RPS15A: variants seen among roughly 807,000 people sequenced by gnomAD.
RPS15A encodes small ribosomal subunit protein uS8.
For missense variants in RPS15A, 62 were observed against 163.4 expected, an observed-to-expected ratio of 0.38 and a Z score of 3.38; for synonymous variants, 55 against 58.5, an observed-to-expected ratio of 0.94 and a Z score of 0.27.
intron 1 of RPS15A, among the ~76,000 whole-genome samples, chr16:18,789,698 C>T (rs1260106567): frequency 6.6e-6 from 1 of 152,208 alleles, no homozygotes; most frequent in East Asian, 1.9e-4. Flanking sequence ...AAACATTTTA[C>T]ATGCTTGTCA....
chr16:18,789,036 A>G lies in RPS15A; in HGVS notation c.78T>C (p.Leu26=), dbSNP rs1596938648. 1 of 1,614,096 alleles carries G rather than the reference A, an allele frequency of 6.2e-7. No homozygotes were observed. The highest frequency in any genetic ancestry group is 8.5e-7 in the Non-Finnish European group (1 of 1,179,982). The change falls in exon 2 of 5, where the codon CTT becomes CTC. Residue 26 remains leucine (L), a synonymous_variant. Transcript: ENST00000322989. ...CGATGACTTTGGAGCACGGCCTAAT[A>G]AGCACCTGGCGTTTGCCTCTCTTTT... The part of the protein sequence containing the change: ...NAEKRGKRQV[L]IRPCSKVIVR...
At chr16:18,786,122 G>C (rs1050088611) in intron 3 of RPS15A, 1 of 154,066 alleles carries the variant, frequency 6.5e-6, no homozygotes. Context: ...GAAAGTCACA[G>C]AACAGGCCAG....
intron 4 of RPS15A, 105 bp downstream of exon 4, chr16:18,784,633 C>T: frequency 1.3e-6 from 1 of 797,362 alleles, no homozygotes; most frequent in South Asian, 1.7e-5. Flanking sequence ...GACAAATTAC[C>T]ACTGCTTTGT....
chr16:18,788,349 C>T (rs190343985), intron 2 of RPS15A, among the ~76,000 whole-genome samples: 5 of 152,340 alleles, frequency 3.3e-5, no homozygotes, highest in Non-Finnish European at 5.9e-5. Flanking sequence ...AACAATCCAC[C>T]TTGCAATTCT....
At chr16:18,789,182 T>G in intron 1 of RPS15A, 64 bp from the exon 2 acceptor site, 1 of 1,490,168 alleles carries the variant, frequency 6.7e-7, no homozygotes, top group Non-Finnish European at 9.1e-7. Context: ...ACACCAACCA[T>G]TACACTGCGG....
chr16:18,788,338 A>G (rs2029934451), intron 2 of RPS15A, among the ~76,000 whole-genome samples, 196 bp from the exon 3 acceptor site: 1 of 152,188 alleles, frequency 6.6e-6, no homozygotes, highest in Admixed American at 6.5e-5. Context: ...ACAATACCCA[A>G]AACAATCCAC....
chr16:18,789,240 C>T, intron 1 of RPS15A, 122 bp from the exon 2 acceptor site: 2 of 915,864 alleles, frequency 2.2e-6, no homozygotes, highest in Non-Finnish European at 3.3e-6. Flanking sequence ...TTTCTCAAGT[C>T]TAAGCAGGCT....
At chr16:18,786,667 A>C (rs577492084) in intron 3 of RPS15A, 1 of 152,368 alleles carries the variant, frequency 6.6e-6, no homozygotes, top group South Asian at 2.1e-4. Flanking sequence ...TGTATTCCCC[A>C]GCTACTCAGG....
chr16:18,782,955 T>C lies in RPS15A; in HGVS notation c.*54A>G, dbSNP rs1596933500. ...GCTGTAAAGGCTCAAAACGACCAAGTGGAAGCACCAGAGTCCATGAGGCAT... is the reference window on the plus strand; with the variant it reads ...GCTGTAAAGGCTCAAAACGACCAAGCGGAAGCACCAGAGTCCATGAGGCAT... On this transcript the variant is annotated 3_prime_UTR_variant, in exon 5 of 5. Coordinates refer to ENST00000322989, the MANE Select transcript of RPS15A (RefSeq NM_001019.5). 12 of 1,127,812 alleles carry C rather than the reference T, an allele frequency of 1.1e-5. 1 individual carries two copies. The East Asian group carries it at 2.8e-4, about 26-fold the overall frequency. The allele number at this position is 1,127,812 out of a possible 1,614,324, so 69.9% of individuals were successfully genotyped here.
chr16:18,784,911 C>T, intron 3 of RPS15A, 88 bp from the exon 4 acceptor site: 1 of 1,102,484 alleles, frequency 9.1e-7, no homozygotes, highest in East Asian at 2.4e-5. Context: ...CATAAATAAA[C>T]AGTCCTCCAA....
intron 4 of RPS15A, 23 bp downstream of exon 4, chr16:18,784,715 T>C (rs1904019521): frequency 6.4e-7 from 1 of 1,560,844 alleles, no homozygotes; most frequent in East Asian, 2.2e-5. Context: ...TAACTTCTTT[T>C]AATTAAGGAA....
chr16:18,789,140 G>A (rs753841284), intron 1 of RPS15A, 22 bp from the exon 2 acceptor site: 16 of 1,598,380 alleles, frequency 1.0e-5, no homozygotes, highest in African/African-American at 1.3e-5. Context: ...AGACAAAACA[G>A]GAGGTTTTAC....
rs1038230579 is a variant in RPS15A, at chr16:18,782,453, T to C, written c.*556A>G. The C allele has an allele frequency of 1.3e-5, 2 of 151,894 alleles. No homozygotes were observed. Among genetic ancestry groups the C allele is most frequent in the Non-Finnish European group, 2.9e-5 (2 of 68,056 alleles). 9.4% of individuals were successfully genotyped at this position (151,894 alleles called of 1,614,324 possible). On this transcript the variant is annotated 3_prime_UTR_variant, in exon 5 of 5. Coordinates refer to ENST00000322989, the MANE Select transcript of RPS15A (RefSeq NM_001019.5). ...ATACTGAAATATAGGCCAGGTGTAA[T>C]GGCTCGTGGCTGTAATCCCAGCACT...
At chr16:18,783,524 G>A (rs1903997750) in intron 4 of RPS15A, 1 of 381,200 alleles carries the variant, frequency 2.6e-6, no homozygotes, top group Non-Finnish European at 5.2e-6. Flanking sequence ...TACAATGAGT[G>A]GCTGCTTCAT....
At position 18,782,967 on chromosome 16, in the gene RPS15A, A is replaced by C; in HGVS notation, c.*42T>G. Reference sequence around the variant, plus strand: ...CAAAACGACCAAGTGGAAGCACCAGAGTCCATGAGGCATTTTATTTGTAAA... The same window carrying C: ...CAAAACGACCAAGTGGAAGCACCAGCGTCCATGAGGCATTTTATTTGTAAA... On this transcript the variant is annotated 3_prime_UTR_variant, in exon 5 of 5. Transcript: ENST00000322989. 1 of 1,237,384 alleles carries C rather than the reference A, an allele frequency of 8.1e-7. No individual in the cohort carries two copies. Among genetic ancestry groups the C allele is most frequent in the Non-Finnish European group, 1.2e-6 (1 of 856,702 alleles). 76.7% of individuals were successfully genotyped at this position (1,237,384 alleles called of 1,614,324 possible).
At chr16:18,789,152 G>A in intron 1 of RPS15A, 34 bp from the exon 2 acceptor site, 1 of 1,587,444 alleles carries the variant, frequency 6.3e-7, no homozygotes, top group Non-Finnish European at 8.6e-7. Context: ...AGGTTTTACT[G>A]GCATTGCCAA....
chr16:18,789,237 A>C, intron 1 of RPS15A, 119 bp from the exon 2 acceptor site: 1 of 961,408 alleles, frequency 1.0e-6, no homozygotes, highest in Admixed American at 2.7e-5. Context: ...AGTTTTCTCA[A>C]GTCTAAGCAG....
At chr16:18,783,185 C>T in intron 4 of RPS15A, 83 bp from the exon 5 acceptor site, 2 of 906,540 alleles carry the variant, frequency 2.2e-6, no homozygotes, top group Non-Finnish European at 3.5e-6. Context: ...CAACACTCAT[C>T]AGTGGTTAAG....
chr16:18,783,702 G>C (rs1443460144), intron 4 of RPS15A: 2 of 455,936 alleles, frequency 4.4e-6, no homozygotes, highest in African/African-American at 4.0e-5. Flanking sequence ...GCATAATTTG[G>C]AGGGTATAAA....
Sources: gnomAD v4.1 joint callset for allele counts (sites outside exome capture counted in the v4.1 genomes callset) on GRCh38, gnomAD v4.1.1 for gene constraint, MANE v1.5 for transcripts, NCBI Gene and HGNC (gene_info 2026-07-23, HGNC 2026-07-21) for gene names.